Variants in NTM observed in about 807,000 individuals in gnomAD.
NTM encodes the protein IgLON family member 2.
In NTM, 13 loss-of-function variants were observed where a neutral mutation model predicts 42.1. That is an observed-to-expected ratio of 0.31 (90% CI 0.20 to 0.49). The LOEUF is 0.49. NTM is among the 20% of genes least tolerant of loss of function. NTM has a pLI of 0.99. For missense variants in NTM, 373 were observed against 452.8 expected (o/e 0.82, Z 1.60); for synonymous variants, 187 against 179.2 (o/e 1.04, Z -0.35).
intron 1 of NTM, among the ~76,000 whole-genome samples, chr11:131,556,348 A>G (rs2055409322): frequency 6.6e-6 from 1 of 152,192 alleles, no homozygotes; most frequent in East Asian, 1.9e-4. Context: ...TCTCCTCTAT[A>G]CAGATTACAT....
intron 1 of NTM, among the ~76,000 whole-genome samples, chr11:131,589,663 C>T (rs2059194774): frequency 6.6e-6 from 1 of 152,190 alleles, no homozygotes. Flanking sequence ...CAGAGAGACA[C>T]CATCCCACCC....
intron 4 of NTM, among the ~76,000 whole-genome samples, chr11:132,268,670 C>CTG (rs780327988): frequency 0.02 from 2,868 of 146,378 alleles, 71 homozygotes; most frequent in African/African-American, 0.051. Flanking sequence ...CTCTCTCTCT[C>CTG]TGTGTGTGTG....
chr11:131,758,573 CT>C (rs1375502891), intron 1 of NTM, among the ~76,000 whole-genome samples: 2 of 150,780 alleles, frequency 1.3e-5, no homozygotes, highest in Non-Finnish European at 3.0e-5. Context: ...TCCTTCCTTC[CT>C]TCCTTTTTTT....
At chr11:132,182,420 G>A (rs973090238) in intron 3 of NTM, among the ~76,000 whole-genome samples, 3 of 152,146 alleles carry the variant, frequency 2.0e-5, no homozygotes, top group African/African-American at 7.2e-5. Context: ...GCAACCCTGG[G>A]CATATTATTT....
intron 1 of NTM, among the ~76,000 whole-genome samples, chr11:131,387,255 T>A (rs541232674): frequency 1.3e-5 from 2 of 152,210 alleles, no homozygotes; most frequent in African/African-American, 4.8e-5. Flanking sequence ...TACTCGTGAC[T>A]GGACCTCCCT....
At chr11:131,925,807 G>A (rs1004299080) in intron 2 of NTM, among the ~76,000 whole-genome samples, 3 of 152,136 alleles carry the variant, frequency 2.0e-5, no homozygotes, top group Non-Finnish European at 4.4e-5. Flanking sequence ...GGTAGGAGAC[G>A]TACAAGGAAT....
chr11:132,037,937 A>G (rs1256044835), intron 2 of NTM, among the ~76,000 whole-genome samples: 4 of 152,254 alleles, frequency 2.6e-5, no homozygotes, highest in Admixed American at 1.3e-4. Context: ...GTGCACACAA[A>G]GTAATTGCAC....
intron 3 of NTM, among the ~76,000 whole-genome samples, chr11:132,203,494 A>T (rs1402837946): frequency 6.6e-6 from 1 of 152,150 alleles, no homozygotes; most frequent in Non-Finnish European, 1.5e-5. Flanking sequence ...TCGGCTTCTG[A>T]TATGAAGCTT....
intron 1 of NTM, among the ~76,000 whole-genome samples, chr11:131,823,774 T>C (rs1263208276): frequency 6.6e-6 from 1 of 152,188 alleles, no homozygotes; most frequent in Non-Finnish European, 1.5e-5. Context: ...AGAGCAGTAA[T>C]TGTGTTTATA....
chr11:131,672,530 C>A (rs556357219), intron 1 of NTM, among the ~76,000 whole-genome samples: 5 of 152,220 alleles, frequency 3.3e-5, no homozygotes, highest in Non-Finnish European at 5.9e-5. Flanking sequence ...CCATTCTCTT[C>A]GGCCTGGCCT....
chr11:131,862,223 G>A (rs1371196953), intron 1 of NTM, among the ~76,000 whole-genome samples: 1 of 152,126 alleles, frequency 6.6e-6, no homozygotes, highest in Non-Finnish European at 1.5e-5. Context: ...ATGTATTTCT[G>A]GGTCACTCTG....
intron 1 of NTM, among the ~76,000 whole-genome samples, chr11:131,598,747 C>CTTTCTTTT (rs1555161411): frequency 1.4e-5 from 1 of 73,370 alleles, no homozygotes; most frequent in Non-Finnish European, 3.0e-5. Flanking sequence ...TTCTTTCTTT[C>CTTTCTTTT]TTTCTTTCTT....
At chr11:131,795,268 C>G in intron 1 of NTM, 1 of 491,158 alleles carries the variant, frequency 2.0e-6, no homozygotes, top group Non-Finnish European at 2.6e-6. Flanking sequence ...ATAATCATTT[C>G]TTCCTTATAG....
intron 1 of NTM, among the ~76,000 whole-genome samples, chr11:131,487,050 C>A (rs1326751832): frequency 6.6e-6 from 1 of 152,056 alleles, no homozygotes; most frequent in Non-Finnish European, 1.5e-5. Flanking sequence ...CAATTTGAAA[C>A]CCCAGCAAAA....
At chr11:132,072,840 T>C (rs886562455) in intron 2 of NTM, among the ~76,000 whole-genome samples, 5 of 152,076 alleles carry the variant, frequency 3.3e-5, no homozygotes, top group African/African-American at 1.2e-4. Context: ...TGCCTGTGTG[T>C]GGGGTTTCAG....
At chr11:131,990,902 T>G (rs961798) in intron 2 of NTM, among the ~76,000 whole-genome samples, 36,817 of 152,028 alleles carry the variant, frequency 0.24, 4,666 homozygotes, top group Admixed American at 0.28. Flanking sequence ...TTAGTCTGTT[T>G]TTATAGTGAG....
At position 131,377,086 on chromosome 11, in the gene NTM, C is replaced by T. The variant is rs191200381; in HGVS notation, c.82+6198C>T. Among the ~76,000 whole-genome samples the T allele has an allele frequency of 6.1e-4, 93 of 152,274 alleles. 1 individual carries two copies. Among genetic ancestry groups the T allele is most frequent in the African/African-American group, 1.9e-3 (79 of 41,534 alleles). On this transcript the variant is annotated intron_variant, in intron 1 of 8. Coordinates refer to ENST00000683400, the MANE Select transcript of NTM (RefSeq NM_001352005.2). ...ACTTCATGGCACAGCCTCTGGCCTC[C>T]TGTGCAAATGATGATGGATGGCAGG...
Position 131,936,972 on chromosome 11 carries a change from G to A in NTM, c.167+25324G>A, listed in dbSNP as rs117211453. ...CAAACTGCTTAGCAAAGAGTCAAGC[G>A]CAGTTTTCTATTCAGTCCCAAAGGT... On this transcript the variant is annotated intron_variant, in intron 2 of 8. Coordinates refer to ENST00000683400, the MANE Select transcript of NTM (RefSeq NM_001352005.2). 1.7e-4 allele frequency among the ~76,000 whole-genome samples: 26 copies of A among 152,320 alleles called. No homozygotes were observed. The East Asian group carries it at 4.4e-3, about 26-fold the overall frequency.
At chr11:131,481,713 C>T (rs567577377) in intron 1 of NTM, among the ~76,000 whole-genome samples, 1 of 152,188 alleles carries the variant, frequency 6.6e-6, no homozygotes, top group Admixed American at 6.5e-5. Flanking sequence ...GTCCTCTTGG[C>T]CTCCCCTTAC....
Sources: gnomAD v4.1 joint callset for allele counts (sites outside exome capture counted in the v4.1 genomes callset) on GRCh38, gnomAD v4.1.1 for gene constraint, MANE v1.5 for transcripts, NCBI Gene and HGNC (gene_info 2026-07-23, HGNC 2026-07-21) for gene names.